Variants in TTC7A observed in about 807,000 individuals in gnomAD.
The protein encoded by TTC7A is tetratricopeptide repeat protein 7A.
TTC7A carries 110 observed loss-of-function variants against 103.7 expected under a neutral mutation model. That is an observed-to-expected ratio of 1.06 (90% CI 0.91 to 1.24). The LOEUF is 1.24. TTC7A is among the 50% of genes most tolerant of loss of function. The pLI, the probability that TTC7A is intolerant of heterozygous loss-of-function variation, is 0.00. For synonymous variants in TTC7A, 521 were observed against 467.9 expected (o/e 1.11, Z -1.47); for missense variants, 1,340 against 1,116.3 (o/e 1.20, Z -2.86).
chr2:47,038,949 C>A (rs1281330497), intron 15 of TTC7A, among the ~76,000 whole-genome samples: 1 of 152,100 alleles, frequency 6.6e-6, no homozygotes, highest in Non-Finnish European at 1.5e-5. Context: ...AGTTCTCCCC[C>A]AGATGAAGGA....
intron 2 of TTC7A, chr2:46,951,834 C>G (rs888753982): frequency 1.0e-4 from 36 of 356,096 alleles, no homozygotes; most frequent in African/African-American, 6.2e-4. Context: ...AGCATGGACC[C>G]TGCCCTCAAG....
chr2:46,936,595 A>G (rs971094136), upstream of TTC7A, among the ~76,000 whole-genome samples: 1 of 152,138 alleles, frequency 6.6e-6, no homozygotes, highest in African/African-American at 2.4e-5. Context: ...CTGTCTTAAT[A>G]TCAACCTGTC....
At chr2:46,940,032 G>C (rs868205734), upstream of TTC7A, among the ~76,000 whole-genome samples, 7 of 152,160 alleles carry the variant, frequency 4.6e-5, no homozygotes, top group Admixed American at 4.6e-4. This position sits in a 1 kb window ranked among gnomAD's most constrained non-coding sequence, Gnocchi z 4.7. Context: ...AACCCGGAGA[G>C]GAGGGCCTCC....
At chr2:47,054,980 T>C (rs1455982390) in intron 18 of TTC7A, among the ~76,000 whole-genome samples, 1 of 151,754 alleles carries the variant, frequency 6.6e-6, no homozygotes, top group Non-Finnish European at 1.5e-5. Flanking sequence ...AATTCCAGGG[T>C]AATTTGCACC....
rs896169144 is a variant in TTC7A at position 47,074,701 on chromosome 2, G to A, written c.*778G>A. 1 of 152,358 alleles carries A rather than the reference G, an allele frequency of 6.6e-6. No individual in the cohort carries two copies. Among genetic ancestry groups the A allele is most frequent in the Non-Finnish European group, 1.5e-5 (1 of 68,126 alleles). 9.4% of individuals were successfully genotyped at this position (152,358 alleles called of 1,614,324 possible). A position where few individuals can be genotyped will look rare whatever the true frequency, so the allele number is the denominator to read the frequency against. On this transcript the variant is annotated 3_prime_UTR_variant, in exon 20 of 20. Coordinates refer to ENST00000319190, the MANE Select transcript of TTC7A (RefSeq NM_020458.4). ...CTTGAGGGCCACCAACATGGAGGTA[G>A]GCAGTTTCTAGGACTGTCCCCAGTA...
chr2:46,984,211 T>C (rs1674771697), intron 5 of TTC7A, among the ~76,000 whole-genome samples: 1 of 152,382 alleles, frequency 6.6e-6, no homozygotes, highest in South Asian at 2.1e-4. Flanking sequence ...GGCGGTCTTA[T>C]CTGATAGGCT....
intron 2 of TTC7A, among the ~76,000 whole-genome samples, chr2:46,950,750 A>G (rs568373064): frequency 5.3e-5 from 8 of 152,368 alleles, no homozygotes; most frequent in Middle Eastern, 3.4e-3. Context: ...ACAAGGTTTC[A>G]AAGACTTAGT....
chr2:47,031,950 C>G (rs967594528), intron 15 of TTC7A, among the ~76,000 whole-genome samples: 1 of 152,224 alleles, frequency 6.6e-6, no homozygotes, highest in African/African-American at 2.4e-5. Context: ...AGGGGTGCCT[C>G]CTGCGTTCAT....
At chr2:47,001,169 T>C (rs1020168341) in intron 8 of TTC7A, among the ~76,000 whole-genome samples, 7 of 152,160 alleles carry the variant, frequency 4.6e-5, no homozygotes, top group African/African-American at 1.7e-4. Flanking sequence ...CTCCACATGG[T>C]AGTTTCCTTT....
In TTC7A at chr2:46,987,830, G is replaced by C. The variant is rs1281221414; in HGVS notation, c.765-5620G>C. 2.6e-5 allele frequency among the ~76,000 whole-genome samples: 4 copies of C among 151,586 alleles called. No homozygotes were observed. The East Asian group carries it at 5.8e-4, about 22-fold the overall frequency. ...CGCGCGTGTGTGTGTGTGTGTGTGT[G>C]TGTGTGTGTGTGTTTGTGTGTGTCA... On this transcript the variant is annotated intron_variant, in intron 5 of 19. Transcript: ENST00000319190.
rs138751316 is a variant in TTC7A, at chr2:46,993,126, C to T, written c.765-324C>T. Among the ~76,000 whole-genome samples the T allele has an allele frequency of 3.4e-4, 52 of 152,308 alleles. No individual in the cohort carries two copies. In the East Asian group the frequency reaches 8.9e-3, roughly 26 times the overall value. On this transcript the variant is annotated intron_variant, in intron 5 of 19. Coordinates refer to ENST00000319190, the MANE Select transcript of TTC7A (RefSeq NM_020458.4). ...GACTGACTGAGGTCAGAAAGTCTGA[C>T]ACCAGCCCAAGGCTCTTAGTCCAAG...
intron 12 of TTC7A, among the ~76,000 whole-genome samples, chr2:47,022,298 C>T (rs1421856950): frequency 3.3e-5 from 5 of 152,248 alleles, no homozygotes; most frequent in Non-Finnish European, 7.3e-5. Flanking sequence ...ACTCCTGCTT[C>T]CTGTCTGTAA....
intron 3 of TTC7A, 144 bp downstream of exon 3, chr2:46,957,151 G>T: frequency 1.0e-6 from 1 of 1,002,742 alleles, no homozygotes; most frequent in East Asian, 2.6e-5. Flanking sequence ...GGTGGATGCC[G>T]GTGGCAACCG....
chr2:47,047,585 C>G (rs1435546336), intron 16 of TTC7A, among the ~76,000 whole-genome samples: 1 of 152,240 alleles, frequency 6.6e-6, no homozygotes, highest in Non-Finnish European at 1.5e-5. Flanking sequence ...GCCGCACAAG[C>G]AGGTGCACAA....
At chr2:47,073,246 C>A (rs538125022) in intron 19 of TTC7A, among the ~76,000 whole-genome samples, 1 of 152,162 alleles carries the variant, frequency 6.6e-6, no homozygotes, top group African/African-American at 2.4e-5. Flanking sequence ...GACGCATGGC[C>A]CCACTGAGTG....
intron 2 of TTC7A, 119 bp downstream of exon 2, chr2:46,950,645 C>G (rs1025160760): frequency 1.8e-5 from 21 of 1,147,920 alleles, no homozygotes; most frequent in Non-Finnish European, 2.5e-5. Flanking sequence ...ACAAGCTGCC[C>G]TTGCACTTAC....
intron 2 of TTC7A, among the ~76,000 whole-genome samples, chr2:46,955,216 G>A (rs1270379462): frequency 1.3e-5 from 2 of 151,144 alleles, no homozygotes; most frequent in African/African-American, 4.9e-5. Context: ...CGAGGAAGAC[G>A]CAGCCCGAGC....
intron 2 of TTC7A, among the ~76,000 whole-genome samples, chr2:46,931,706 ATAAAT>A (rs1313280697): frequency 6.6e-6 from 1 of 151,688 alleles, no homozygotes; most frequent in Non-Finnish European, 1.5e-5. Context: ...AAATAAATAA[ATAAAT>A]AAATAAATAA....
At chr2:46,977,289 A>G (rs1673975154) in intron 4 of TTC7A, among the ~76,000 whole-genome samples, 1 of 152,220 alleles carries the variant, frequency 6.6e-6, no homozygotes, top group Admixed American at 6.5e-5. Context: ...ATCCTCAGAA[A>G]TACTGTGTGT....
Sources: allele counts gnomAD v4.1 joint callset (sites outside exome capture counted in the v4.1 genomes callset), GRCh38; gene constraint gnomAD v4.1.1; non-coding constraint Gnocchi (gnomAD v3.1); transcripts MANE v1.5; gene names NCBI Gene and HGNC (gene_info 2026-07-23, HGNC 2026-07-21).